The following ZNF433 variants were observed in gnomAD, a reference collection of about 807,000 sequenced individuals.
ZNF433 encodes zinc finger protein 433.
Under a neutral mutation model 10.6 loss-of-function variants are expected in ZNF433, and 12 were observed. The ratio of observed to expected loss-of-function variants is 1.13; its 90% CI spans 0.72 to 1.83. The LOEUF (loss-of-function observed/expected upper bound fraction) is 1.83. Among genes scored for constraint, ZNF433 ranks in the 40% most tolerant of loss-of-function variants. The pLI is 0.00. For synonymous variants in ZNF433, 272 were observed against 271.3 expected (o/e 1.00, Z -0.02); for missense variants, 737 against 798.0 (o/e 0.92, Z 0.92).
chr19:12,018,405 A>T, intron 1 of ZNF433, 113 bp from the exon 2 acceptor site: 1 of 1,295,888 alleles, frequency 7.7e-7, no homozygotes, highest in Non-Finnish European at 1.0e-6. Context: ...CAATTATTCC[A>T]TGACCATCAG....
intron 1 of ZNF433, among the ~76,000 whole-genome samples, chr19:12,027,422 G>C (rs746655478): frequency 2.6e-5 from 4 of 152,224 alleles, no homozygotes; most frequent in African/African-American, 9.6e-5. Context: ...TGATGGCTAT[G>C]ATGCCCACAC....
At position 12,028,418 on chromosome 19, in the gene ZNF433, G is replaced by C. The variant is rs139375895; in HGVS notation, c.3+7119C>G. Among the ~76,000 whole-genome samples the C allele has an allele frequency of 2.1e-3, 315 of 152,184 alleles. 2 individuals carry two copies. The highest frequency in any genetic ancestry group is 7.5e-3 in the African/African-American group (310 of 41,510). ...TGTAAAAATAAAATATACTGATAGG[G>C]ATGCATACCCAGGTTATGAAACTAT... On this transcript the variant is annotated intron_variant, in intron 1 of 3. Coordinates refer to ENST00000550507, the MANE Select transcript of ZNF433 (RefSeq NM_001308348.2).
Position 12,015,837 on chromosome 19 carries a change from C to A in ZNF433, c.1021G>T (p.Gly341Trp), listed in dbSNP as rs779731032. 1.9e-6 allele frequency: 3 copies of A among 1,614,152 alleles called. No individual in the cohort carries two copies. The East Asian group carries it at 6.7e-5, about 36-fold the overall frequency. ...CTGGTAAGATAAGATAATACTTTCC[C>A]ACAATGTTTACATTCATAGGGTTTT... ...RKKPYECKHC[G>W]KVLSYLTSFQ... is the part of the protein sequence containing the mutation. Residue 341 changes from glycine (G) to tryptophan (W), a missense_variant, in exon 4 of 4, where the codon GGG becomes TGG. Coordinates refer to ENST00000550507, the MANE Select transcript of ZNF433 (RefSeq NM_001308348.2).
intron 1 of ZNF433, among the ~76,000 whole-genome samples, chr19:12,030,712 A>G (rs1091350): frequency 0.14 from 21,217 of 148,420 alleles, 3,454 homozygotes; most frequent in African/African-American, 0.43. Context: ...AACACAGAAA[A>G]AATGAATAAG....
At chr19:12,028,707 G>A (rs1221206768) in intron 1 of ZNF433, among the ~76,000 whole-genome samples, 1 of 152,046 alleles carries the variant, frequency 6.6e-6, no homozygotes, top group Non-Finnish European at 1.5e-5. Flanking sequence ...TATTATTTTT[G>A]TTTTGTTTAG....
intron 3 of ZNF433, among the ~76,000 whole-genome samples, chr19:12,017,483 G>A (rs1275747413): frequency 1.3e-5 from 2 of 152,090 alleles, no homozygotes; most frequent in African/African-American, 4.8e-5. Context: ...GATTACAGGC[G>A]TGAGCCACCA....
chr19:12,022,318 A>G (rs2145435348), intron 1 of ZNF433: 2 of 257,650 alleles, frequency 7.8e-6, no homozygotes, highest in South Asian at 4.2e-5. Context: ...CTTTTAATCT[A>G]TAATCTACAG....
At chr19:12,024,621 AGGTAC>A (rs1232142721) in intron 1 of ZNF433, 1 of 152,250 alleles carries the variant, frequency 6.6e-6, no homozygotes, top group Non-Finnish European at 1.5e-5. Context: ...GCTGAGGCAG[AGGTAC>A]AGCTGATTGA....
intron 1 of ZNF433, chr19:12,030,238 T>C (rs756964189): frequency 1.2e-4 from 50 of 425,662 alleles, no homozygotes; most frequent in South Asian, 8.1e-4. Flanking sequence ...TTTTTTATTT[T>C]TTTGAGACGG....
intron 1 of ZNF433, among the ~76,000 whole-genome samples, chr19:12,019,226 G>A (rs1417600013): frequency 1.3e-5 from 2 of 151,770 alleles, no homozygotes; most frequent in Non-Finnish European, 2.9e-5. Context: ...TTGGTGACCA[G>A]CCTGGCCAAC....
chr19:12,029,521 CAAAAAAAAAAA>C (rs55659942), intron 1 of ZNF433, among the ~76,000 whole-genome samples: 1 of 48,424 alleles, frequency 2.1e-5, no homozygotes, highest in African/African-American at 8.0e-5. Flanking sequence ...GACTCTGTCT[CAAAAAAAAAAA>C]AAAAAAAAAA....
intron 1 of ZNF433, among the ~76,000 whole-genome samples, chr19:12,031,431 C>G (rs1258972380): frequency 6.6e-6 from 1 of 152,034 alleles, no homozygotes; most frequent in African/African-American, 2.4e-5. Flanking sequence ...GGGCGGATCA[C>G]TTGATGTCAG....
chr19:12,017,904 C>T lies in ZNF433; in HGVS notation c.163G>A (p.Glu55Lys). Reference protein sequence around the residue: ...KKWKPQNIYVEYENLRRNLRI... With the variant: ...KKWKPQNIYVKYENLRRNLRI... ...AGGTTTCTCCTTAGATTTTCGTACT[C>T]TACATATATGTTCTGGGGTTTCCAT... Residue 55 changes from glutamate (E) to lysine (K), a missense_variant, in exon 3 of 4, where the codon GAG becomes AAG. Physicochemically the swap from Glu to Lys is moderately conservative, Grantham distance 56. Transcript: ENST00000550507. 1 of 1,593,270 alleles carries T rather than the reference C, an allele frequency of 6.3e-7. No individual in the cohort carries two copies. The highest frequency in any genetic ancestry group is 8.5e-7 in the Non-Finnish European group (1 of 1,174,256).
rs970866721 is a variant in ZNF433 at position 12,033,582 on chromosome 19, G to A, written c.3+1955C>T. ...TCACACCTGTAATCCCAGCACTTTG[G>A]GAGGCCAAGGCGGGTGGATCACAAG... On this transcript the variant is annotated intron_variant, in intron 1 of 3. Coordinates refer to ENST00000550507, the MANE Select transcript of ZNF433 (RefSeq NM_001308348.2). Among the ~76,000 whole-genome samples the A allele has an allele frequency of 8.6e-5, 13 of 151,926 alleles. No homozygotes were observed. The South Asian group carries it at 1.9e-3, about 22-fold the overall frequency.
chr19:12,034,020 T>C (rs1170038470), intron 1 of ZNF433, among the ~76,000 whole-genome samples: 1 of 152,136 alleles, frequency 6.6e-6, no homozygotes, highest in East Asian at 1.9e-4. Context: ...ACCAGTTAAC[T>C]GGGGAGTGTT....
Position 12,019,190 on chromosome 19 carries a change from G to C in ZNF433, c.4-898C>G, listed in dbSNP as rs570938993. On this transcript the variant is annotated intron_variant, in intron 1 of 3. Transcript: ENST00000550507. ...AACCCCACCACTTTGGAAGGCTGAG[G>C]CAGGTGGATCACCTGAGGCCAGGAG... is the stretch of plus-strand genomic sequence containing the variant. Among the ~76,000 whole-genome samples, 43 of 152,042 alleles carry C rather than the reference G, an allele frequency of 2.8e-4. No individual in the cohort carries two copies. The East Asian group carries it at 6.9e-3, about 25-fold the overall frequency.
chr19:12,020,917 T>TA (rs551776670), intron 1 of ZNF433, among the ~76,000 whole-genome samples: 20,053 of 123,898 alleles, frequency 0.16, 3,357 homozygotes, highest in African/African-American at 0.44. Flanking sequence ...AACAAAAATA[T>TA]AAAAAAAAAA....
chr19:12,035,508 G>A (rs367667016), intron 1 of ZNF433, 29 bp downstream of exon 1: 3 of 1,567,978 alleles, frequency 1.9e-6, no homozygotes, highest in Non-Finnish European at 2.6e-6. Context: ...CTCCTCCCCC[G>A]CCTCGGGACC....
intron 1 of ZNF433, chr19:12,018,793 G>A (rs1974342743): frequency 6.6e-6 from 1 of 152,264 alleles, no homozygotes; most frequent in African/African-American, 2.4e-5. Context: ...TCTAAATGAT[G>A]AGTCATAAAT....
Sources: gnomAD v4.1 joint callset for allele counts (sites outside exome capture counted in the v4.1 genomes callset) on GRCh38, gnomAD v4.1.1 for gene constraint, MANE v1.5 for transcripts, NCBI Gene and HGNC (gene_info 2026-07-23, HGNC 2026-07-21) for gene names.